TENM2: variants seen among roughly 807,000 people sequenced by gnomAD.
TENM2 encodes the protein teneurin-2.
A neutral mutation model predicts 245.2 loss-of-function variants in TENM2; 52 were observed. The ratio of observed to expected loss-of-function variants is 0.21; its 90% CI spans 0.17 to 0.27. TENM2 has a LOEUF of 0.27. Ranked by LOEUF, TENM2 falls within the 10% of genes least tolerant of loss-of-function variation. TENM2 has a pLI of 1.00. For missense variants in TENM2, 3,046 were observed against 3,666.8 expected, an observed-to-expected ratio of 0.83 and a Z score of 4.37; for synonymous variants, 1,363 against 1,438.9, an observed-to-expected ratio of 0.95 and a Z score of 1.19.
Position 168,218,835 on chromosome 5 carries a change from C to T in TENM2, c.4944C>T (p.His1648=), listed in dbSNP as rs747405956. ...GGGACAGCAGTGGCATGCCCCGTCACCTGCTCATGCCTGACAACCAGATCA... is the reference window on the plus strand; with the variant it reads ...GGGACAGCAGTGGCATGCCCCGTCATCTGCTCATGCCTGACAACCAGATCA... The change falls in exon 23 of 29, where the codon CAC becomes CAT. Residue 1648 remains histidine, a synonymous_variant. Coordinates refer to ENST00000518659, the Ensembl canonical transcript of TENM2. This position sits in a 1 kb window ranked among gnomAD's most constrained non-coding sequence, Gnocchi z 5.2. 1.1e-4 allele frequency: 170 copies of T among 1,613,870 alleles called. No homozygotes were observed. The highest frequency in any genetic ancestry group is 1.4e-4 in the Non-Finnish European group (164 of 1,179,914).
chr5:168,176,375 C>G (rs1274921390), intron 13 of TENM2, among the ~76,000 whole-genome samples: 1 of 152,230 alleles, frequency 6.6e-6, no homozygotes, highest in East Asian at 1.9e-4. Flanking sequence ...TACCTGCCAT[C>G]TTGCCATTCC....
At chr5:168,246,856 A>G in exon 27 of TENM2, 1 of 1,613,990 alleles carries the variant, frequency 6.2e-7, no homozygotes, top group Non-Finnish European at 8.5e-7. Flanking sequence ...GGCCCGGCAC[A>G]GCATGTCCAC....
chr5:168,006,020 G>A (rs1426125538), intron 5 of TENM2, among the ~76,000 whole-genome samples: 1 of 152,182 alleles, frequency 6.6e-6, no homozygotes, highest in Non-Finnish European at 1.5e-5. Flanking sequence ...ACAGAACAAG[G>A]AAGAACCACA....
chr5:166,994,343 T>G, the TENM2 span, among the ~76,000 whole-genome samples: 1 of 152,224 alleles, frequency 6.6e-6, no homozygotes, highest in Middle Eastern at 3.2e-3. Context: ...TTTTCTTTTT[T>G]AAAGATTTCT....
At chr5:168,162,569 C>T (rs1251235872) in intron 12 of TENM2, 42 bp from the exon 15 acceptor site, 1 of 1,603,232 alleles carries the variant, frequency 6.2e-7, no homozygotes, top group Non-Finnish European at 8.5e-7. Context: ...CCCAGCGCGG[C>T]CTCACGTCCC....
chr5:167,096,328 C>T, the TENM2 span, among the ~76,000 whole-genome samples: 13 of 152,146 alleles, frequency 8.5e-5, no homozygotes, highest in Admixed American at 6.5e-4. Context: ...TTAAATTACC[C>T]CTGTTGAAAA....
At chr5:167,435,446 G>C (rs748140619) in intron 2 of TENM2, among the ~76,000 whole-genome samples, 2 of 152,204 alleles carry the variant, frequency 1.3e-5, no homozygotes, top group African/African-American at 2.4e-5. Flanking sequence ...TGCGATGTAA[G>C]ATGTGCCTTT....
chr5:167,453,823 A>G (rs892607819), intron 2 of TENM2, among the ~76,000 whole-genome samples: 1 of 152,208 alleles, frequency 6.6e-6, no homozygotes, highest in Non-Finnish European at 1.5e-5. Flanking sequence ...TTATTTTGGC[A>G]TGCAGGAATT....
chr5:167,285,168 T>C (rs981512533), intron 1 of TENM2, 105 bp downstream of exon 3: 4 of 819,594 alleles, frequency 4.9e-6, no homozygotes, highest in Non-Finnish European at 8.1e-6. Context: ...TTTTGACAGA[T>C]GTACCCTACA....
intron 23 of TENM2, among the ~76,000 whole-genome samples, chr5:168,219,254 G>A (rs1199897660): frequency 6.6e-6 from 1 of 152,128 alleles, no homozygotes; most frequent in Admixed American, 6.5e-5. Context: ...TCAAATTTCA[G>A]GATATTGGAC....
At chr5:167,974,495 A>T (rs1782284421) in intron 4 of TENM2, among the ~76,000 whole-genome samples, 1 of 150,182 alleles carries the variant, frequency 6.7e-6, no homozygotes, top group African/African-American at 2.4e-5. Flanking sequence ...ACATACTTAA[A>T]GTAGGCAGTC....
intron 2 of TENM2, among the ~76,000 whole-genome samples, chr5:167,801,572 C>T (rs376900789): frequency 2.5e-4 from 38 of 152,028 alleles, no homozygotes; most frequent in South Asian, 6.2e-4. Context: ...TTGGAGAAGA[C>T]GCAAGAAGAG....
chr5:167,281,626 A>G (rs1771071163), upstream of TENM2, among the ~76,000 whole-genome samples: 1 of 152,224 alleles, frequency 6.6e-6, no homozygotes, highest in African/African-American at 2.4e-5. Flanking sequence ...AGAGAAATTT[A>G]TCAGGAAAAG....
the TENM2 span, among the ~76,000 whole-genome samples, chr5:167,079,640 T>C: frequency 3.3e-3 from 507 of 151,812 alleles, 3 homozygotes; most frequent in African/African-American, 0.012. Context: ...CTATATTTTA[T>C]ATACATACAT....
At chr5:167,874,586 G>A (rs1773262243) in intron 2 of TENM2, among the ~76,000 whole-genome samples, 1 of 152,122 alleles carries the variant, frequency 6.6e-6, no homozygotes, top group South Asian at 2.1e-4. Context: ...CCCAGATTTA[G>A]GACATGTGCC....
At chr5:167,046,606 G>A in the TENM2 span, among the ~76,000 whole-genome samples, 1 of 152,168 alleles carries the variant, frequency 6.6e-6, no homozygotes, top group South Asian at 2.1e-4. Flanking sequence ...CAGTGTGAGT[G>A]TCTCCACTTA....
At chr5:168,246,928 A>C in exon 27 of TENM2, 2 of 1,614,028 alleles carry the variant, frequency 1.2e-6, no homozygotes. Flanking sequence ...TGCTTCGGTC[A>C]TCTTTGACTA....
chr5:168,256,168 AAAT>A (rs1350768932), intron 27 of TENM2, among the ~76,000 whole-genome samples: 5 of 151,566 alleles, frequency 3.3e-5, no homozygotes, highest in African/African-American at 9.8e-5. Context: ...ATCAGTAAAT[AAAT>A]AATAATACAA....
At chr5:168,067,385 G>T (rs140575651) in intron 7 of TENM2, among the ~76,000 whole-genome samples, 1 of 152,098 alleles carries the variant, frequency 6.6e-6, no homozygotes, top group Non-Finnish European at 1.5e-5. Flanking sequence ...ACCACAAATT[G>T]TCCCATGATC....
Sources: allele counts gnomAD v4.1 joint callset (sites outside exome capture counted in the v4.1 genomes callset), GRCh38; gene constraint gnomAD v4.1.1; non-coding constraint Gnocchi (gnomAD v3.1); transcripts MANE v1.5; gene names NCBI Gene and HGNC (gene_info 2026-07-23, HGNC 2026-07-21).